Variants in ASAP1 observed in about 807,000 individuals in gnomAD.
ASAP1 encodes the protein ArfGAP with SH3 domain, ankyrin repeat and PH domain 1.
Under a neutral mutation model 145.2 loss-of-function variants are expected in ASAP1, and 43 were observed. The ratio of observed to expected loss-of-function variants is 0.30; its 90% CI spans 0.23 to 0.38. The LOEUF (loss-of-function observed/expected upper bound fraction) is 0.38, where lower values mean the gene tolerates loss of function less well. Among genes scored for constraint, ASAP1 ranks in the 10% least tolerant of loss-of-function variants. The pLI is 1.00. For synonymous variants in ASAP1, 546 were observed against 515.5 expected (o/e 1.06, Z -0.80); for missense variants, 1,018 against 1,355.3 (o/e 0.75, Z 3.91).
intron 2 of ASAP1, among the ~76,000 whole-genome samples, chr8:130,388,339 G>C (rs1828119584): frequency 6.6e-6 from 1 of 152,184 alleles, no homozygotes; most frequent in Admixed American, 6.5e-5. Context: ...AAATGGGCAG[G>C]GGTCTTGGAG....
chr8:130,102,558 T>A (rs10109827), intron 24 of ASAP1, among the ~76,000 whole-genome samples: 18,441 of 152,242 alleles, frequency 0.12, 1,253 homozygotes, highest in Non-Finnish European at 0.15. Context: ...GGTAGTTTTC[T>A]TTTTTTGTTG....
At chr8:130,375,825 G>T (rs1827461640) in intron 2 of ASAP1, among the ~76,000 whole-genome samples, 2 of 152,198 alleles carry the variant, frequency 1.3e-5, no homozygotes, top group South Asian at 4.1e-4. Flanking sequence ...TAAAAAGCAT[G>T]ATTTCAAAGC....
chr8:130,167,803 T>C (rs1283642728), intron 10 of ASAP1, among the ~76,000 whole-genome samples, 181 bp from the exon 11 acceptor site: 1 of 152,224 alleles, frequency 6.6e-6, no homozygotes, highest in Non-Finnish European at 1.5e-5. Flanking sequence ...CAGTGGGTTT[T>C]GAAATTAGTG....
At chr8:130,415,545 T>A (rs901348204) in intron 1 of ASAP1, among the ~76,000 whole-genome samples, 1 of 151,974 alleles carries the variant, frequency 6.6e-6, no homozygotes, top group African/African-American at 2.4e-5. Flanking sequence ...CCCAGCACTT[T>A]GGGAGGCTGA....
chr8:130,078,855 A>T (rs1329648831), intron 26 of ASAP1, among the ~76,000 whole-genome samples: 2 of 152,024 alleles, frequency 1.3e-5, no homozygotes, highest in Non-Finnish European at 2.9e-5. Flanking sequence ...GATAATAGTA[A>T]TTGGGCCTAT....
intron 16 of ASAP1, among the ~76,000 whole-genome samples, chr8:130,127,096 T>A (rs188938047): frequency 6.6e-6 from 1 of 152,322 alleles, no homozygotes; most frequent in African/African-American, 2.4e-5. Flanking sequence ...AATATAGTGC[T>A]ATTTGAAAAT....
intron 3 of ASAP1, among the ~76,000 whole-genome samples, chr8:130,275,860 A>C (rs1010177003): frequency 6.6e-6 from 1 of 152,224 alleles, no homozygotes; most frequent in Non-Finnish European, 1.5e-5. Flanking sequence ...TACATTCCTC[A>C]CGGAGAACAA....
At chr8:130,420,235 TACACACACACACACACAC>T (rs34138357) in intron 1 of ASAP1, among the ~76,000 whole-genome samples, 36 of 139,420 alleles carry the variant, frequency 2.6e-4, no homozygotes, top group Admixed American at 7.1e-4. Context: ...CATAATGAAA[TACACACACACACACACAC>T]ACACACACAC....
chr8:130,412,345 TAGTG>T (rs962573249), intron 1 of ASAP1, among the ~76,000 whole-genome samples: 1 of 152,104 alleles, frequency 6.6e-6, no homozygotes, highest in African/African-American at 2.4e-5. Flanking sequence ...GTCCTTGCCA[TAGTG>T]AGTGAGTGAC....
At chr8:130,057,469 G>T (rs1180108761) in intron 29 of ASAP1, among the ~76,000 whole-genome samples, 1 of 151,400 alleles carries the variant, frequency 6.6e-6, no homozygotes, top group East Asian at 1.9e-4. Context: ...TTTTTTTTCA[G>T]ATGGAGTCTC....
intron 3 of ASAP1, among the ~76,000 whole-genome samples, chr8:130,337,891 T>C (rs1003377785): frequency 1.3e-5 from 2 of 152,214 alleles, no homozygotes; most frequent in South Asian, 2.1e-4. Context: ...CAGTTCCCCA[T>C]GGGGATGGCA....
chr8:130,279,739 T>C (rs150632325), intron 3 of ASAP1, among the ~76,000 whole-genome samples: 2 of 152,242 alleles, frequency 1.3e-5, no homozygotes, highest in South Asian at 2.1e-4. Context: ...AATGTAGTAG[T>C]TGACAGAGAA....
intron 4 of ASAP1, among the ~76,000 whole-genome samples, chr8:130,233,561 T>A (rs989322900): frequency 6.6e-6 from 1 of 152,184 alleles, no homozygotes; most frequent in Non-Finnish European, 1.5e-5. Flanking sequence ...TAGTACAGTA[T>A]AAATACAAAA....
chr8:130,332,916 G>T (rs1040363116), intron 3 of ASAP1, among the ~76,000 whole-genome samples: 1 of 148,592 alleles, frequency 6.7e-6, no homozygotes, highest in South Asian at 2.1e-4. Flanking sequence ...TAAAAAAGAA[G>T]TTTTTTTTTT....
At chr8:130,359,507 C>T (rs1230265803) in intron 2 of ASAP1, among the ~76,000 whole-genome samples, 1 of 152,158 alleles carries the variant, frequency 6.6e-6, no homozygotes, top group Non-Finnish European at 1.5e-5. Context: ...TAATTCAAGC[C>T]AGGAGAGCCT....
At chr8:130,390,309 A>G (rs1828216153) in intron 2 of ASAP1, among the ~76,000 whole-genome samples, 1 of 152,250 alleles carries the variant, frequency 6.6e-6, no homozygotes, top group African/African-American at 2.4e-5. Context: ...CATGTGGCAG[A>G]CACAGAATAT....
intron 5 of ASAP1, among the ~76,000 whole-genome samples, chr8:130,202,241 T>G (rs1266616341): frequency 6.6e-6 from 1 of 152,218 alleles, no homozygotes; most frequent in Non-Finnish European, 1.5e-5. Flanking sequence ...AAAGGAATCT[T>G]CTTAGATATT....
chr8:130,223,067 T>G (rs1817387671), intron 4 of ASAP1, among the ~76,000 whole-genome samples: 1 of 152,160 alleles, frequency 6.6e-6, no homozygotes, highest in Non-Finnish European at 1.5e-5. Context: ...GATTGGCCAC[T>G]AAGAGGTAAA....
chr8:130,118,364 T>A, intron 19 of ASAP1, 118 bp from the exon 20 acceptor site: 1 of 1,340,236 alleles, frequency 7.5e-7, no homozygotes, highest in Non-Finnish European at 1.0e-6. Context: ...TCTCATATTC[T>A]CTTGATTTAG....
Sources: allele counts gnomAD v4.1 joint callset (sites outside exome capture counted in the v4.1 genomes callset), GRCh38; gene constraint gnomAD v4.1.1; transcripts MANE v1.5; gene names NCBI Gene and HGNC (gene_info 2026-07-23, HGNC 2026-07-21).